Variants in PHF21B observed in about 807,000 individuals in gnomAD.
PHF21B encodes PHD finger protein 21B.
In PHF21B, 22 loss-of-function variants were observed where a neutral mutation model predicts 62.2. That is an observed-to-expected ratio of 0.35 (90% CI 0.25 to 0.51). The LOEUF (loss-of-function observed/expected upper bound fraction) is 0.51. Among genes scored for constraint, PHF21B ranks in the 20% least tolerant of loss-of-function variants. The probability of loss-of-function intolerance (pLI) is 0.97; values close to 1 mark genes in which losing one functional copy is unlikely to be tolerated. For missense variants in PHF21B, 701 were observed against 707.9 expected (o/e 0.99, Z 0.11); for synonymous variants, 341 against 314.7 (o/e 1.08, Z -0.88).
At chr22:44,985,873 CCAT>C (rs545366996) in intron 2 of PHF21B, among the ~76,000 whole-genome samples, 6 of 151,440 alleles carry the variant, frequency 4.0e-5, no homozygotes, top group Admixed American at 3.9e-4. Flanking sequence ...ATCACCACCA[CCAT>C]CACCAGCAGC....
chr22:44,921,356 GTTCTTTTTTTTT>G (rs958700821), intron 2 of PHF21B, among the ~76,000 whole-genome samples: 31 of 119,204 alleles, frequency 2.6e-4, no homozygotes, highest in African/African-American at 7.0e-4. Flanking sequence ...AACCGGAACA[GTTCTTTTTTTTT>G]TTCTTTTTTT....
In PHF21B at chr22:44,916,269, T is replaced by C; in HGVS notation, c.564+11A>G. 1 of 1,606,690 alleles carries C rather than the reference T, an allele frequency of 6.2e-7. No individual in the cohort carries two copies. The highest frequency in any genetic ancestry group is 2.2e-5 in the East Asian group (1 of 44,760). On this transcript the variant is annotated intron_variant, in intron 4 of 12. Transcript: ENST00000313237. The stretch of plus-strand genomic sequence containing the variant: ...GCACACCCTTTCCGGAGCCTGCTGG[T>C]GGGCACTCACCTTGTTGTCAGCACT...
intron 5 of PHF21B, among the ~76,000 whole-genome samples, chr22:44,908,073 C>T (rs1255075396): frequency 6.6e-6 from 1 of 152,152 alleles, no homozygotes; most frequent in African/African-American, 2.4e-5. Flanking sequence ...GATGATAACC[C>T]AAAGTATCGG....
chr22:44,928,465 A>G (rs1053664633), intron 2 of PHF21B, among the ~76,000 whole-genome samples: 1 of 152,188 alleles, frequency 6.6e-6, no homozygotes, highest in African/African-American at 2.4e-5. Flanking sequence ...GCTGCAGTGC[A>G]ATAGCGTGAT....
At chr22:44,957,043 G>T (rs2072313195) in intron 2 of PHF21B, among the ~76,000 whole-genome samples, 1 of 152,120 alleles carries the variant, frequency 6.6e-6, no homozygotes. Context: ...GTACCCAGAG[G>T]TCACTGCCCA....
intron 1 of PHF21B, chr22:45,008,898 G>A (rs1273029316): frequency 3.1e-5 from 36 of 1,171,622 alleles, no homozygotes; most frequent in Non-Finnish European, 3.8e-5. Flanking sequence ...GGGTGCGTGT[G>A]CGAGTGAGTG....
chr22:44,996,346 G>A (rs986703083), intron 2 of PHF21B, among the ~76,000 whole-genome samples: 7 of 152,148 alleles, frequency 4.6e-5, no homozygotes, highest in African/African-American at 7.2e-5. Flanking sequence ...CCGTACAACT[G>A]CTGGTTGGTG....
At chr22:44,992,424 C>G (rs2073055963) in intron 2 of PHF21B, among the ~76,000 whole-genome samples, 1 of 152,260 alleles carries the variant, frequency 6.6e-6, no homozygotes, top group Non-Finnish European at 1.5e-5. Flanking sequence ...GAGCCACCAG[C>G]CAGTATCCCA....
At chr22:44,925,403 A>C (rs1319906503) in intron 2 of PHF21B, among the ~76,000 whole-genome samples, 1 of 152,168 alleles carries the variant, frequency 6.6e-6, no homozygotes, top group African/African-American at 2.4e-5. Context: ...AGAGGGTCTC[A>C]GGCCCCACCA....
chr22:44,975,371 TCA>T (rs1280902568), intron 2 of PHF21B, among the ~76,000 whole-genome samples: 2 of 151,832 alleles, frequency 1.3e-5, no homozygotes, highest in Admixed American at 1.3e-4. Flanking sequence ...GGTGGGTGTC[TCA>T]CAGAGCCATA....
chr22:44,969,048 A>T (rs2072586205), intron 2 of PHF21B: 1 of 152,250 alleles, frequency 6.6e-6, no homozygotes, highest in Admixed American at 6.5e-5. Flanking sequence ...GCTGCACCAA[A>T]GGATACTGAC....
At chr22:44,952,967 A>C (rs192387084) in intron 2 of PHF21B, among the ~76,000 whole-genome samples, 1 of 148,826 alleles carries the variant, frequency 6.7e-6, no homozygotes, top group African/African-American at 2.6e-5. Context: ...TGCCCTGCTG[A>C]CCTAGCTCCT....
intron 2 of PHF21B, chr22:45,000,454 C>T (rs2073195053): frequency 6.6e-6 from 1 of 152,198 alleles, no homozygotes; most frequent in South Asian, 2.1e-4. Context: ...AGACACAGCC[C>T]ATGATTCGGT....
At chr22:44,922,359 G>A (rs1345925617) in intron 2 of PHF21B, among the ~76,000 whole-genome samples, 4 of 152,310 alleles carry the variant, frequency 2.6e-5, no homozygotes, top group Admixed American at 6.5e-5. Flanking sequence ...TGGGCTGGGC[G>A]CGGTGGCTCA....
intron 2 of PHF21B, among the ~76,000 whole-genome samples, chr22:44,977,258 A>G (rs2072754553): frequency 6.6e-6 from 1 of 152,012 alleles, no homozygotes; most frequent in South Asian, 2.1e-4. Flanking sequence ...TTTACCACAT[A>G]TGTATATCAA....
chr22:44,931,646 G>C (rs1031323043), intron 2 of PHF21B, among the ~76,000 whole-genome samples: 1 of 151,346 alleles, frequency 6.6e-6, no homozygotes, highest in Non-Finnish European at 1.5e-5. Context: ...ATCTTGGGGG[G>C]GGGGTGTCAA....
intron 2 of PHF21B, among the ~76,000 whole-genome samples, chr22:44,931,592 C>A (rs993701364): frequency 5.7e-5 from 8 of 140,824 alleles, no homozygotes; most frequent in Non-Finnish European, 1.1e-4. Flanking sequence ...AGCAAAAAAA[C>A]ACACACTCTG....
At chr22:44,937,407 G>A (rs756578800) in intron 2 of PHF21B, among the ~76,000 whole-genome samples, 7 of 152,208 alleles carry the variant, frequency 4.6e-5, no homozygotes, top group African/African-American at 7.2e-5. Context: ...GGTGCAGGCC[G>A]CTGAGGACGG....
At chr22:44,893,406 G>C (rs777967719) in intron 7 of PHF21B, 51 bp downstream of exon 7, 5 of 1,531,812 alleles carry the variant, frequency 3.3e-6, no homozygotes, top group Admixed American at 1.9e-5. Flanking sequence ...TGGAGGCTGT[G>C]CACTGGGAGC....
Sources: allele counts gnomAD v4.1 joint callset (sites outside exome capture counted in the v4.1 genomes callset), GRCh38; gene constraint gnomAD v4.1.1; transcripts MANE v1.5; gene names NCBI Gene and HGNC (gene_info 2026-07-23, HGNC 2026-07-21).